Variants in EFCAB6 observed in about 807,000 individuals in gnomAD.
EFCAB6 encodes the protein EF-hand calcium binding domain 6, also known as EF-hand calcium-binding domain-containing protein 6.
EFCAB6 carries 156 observed loss-of-function variants against 169.8 expected under a neutral mutation model. The observed-to-expected ratio is 0.92, with a 90% CI of 0.81 to 1.05. EFCAB6 has a LOEUF of 1.05. Among genes scored for constraint, EFCAB6 ranks in the 50% least tolerant of loss-of-function variants. The pLI is 0.00. For missense variants in EFCAB6, 1,800 were observed against 1,829.1 expected, an observed-to-expected ratio of 0.98 and a Z score of 0.29; for synonymous variants, 698 against 676.4, an observed-to-expected ratio of 1.03 and a Z score of -0.50.
At chr22:43,731,149 C>A (rs751056660) in intron 8 of EFCAB6, among the ~76,000 whole-genome samples, 3 of 152,092 alleles carry the variant, frequency 2.0e-5, no homozygotes, top group Admixed American at 6.5e-5. Flanking sequence ...CCCAGCAGGC[C>A]GACAACCCTG....
chr22:43,745,165 T>C (rs545641200), intron 6 of EFCAB6, among the ~76,000 whole-genome samples: 1 of 152,372 alleles, frequency 6.6e-6, no homozygotes, highest in African/African-American at 2.4e-5. Context: ...CAGAGTTCTT[T>C]GTTTAAAATT....
intron 6 of EFCAB6, among the ~76,000 whole-genome samples, chr22:43,754,080 ATT>A (rs1005169172): frequency 6.6e-6 from 1 of 152,024 alleles, no homozygotes; most frequent in African/African-American, 2.4e-5. Flanking sequence ...GGGTGTACTG[ATT>A]TGTTCTCTTT....
chr22:43,672,181 T>A (rs1385239350), intron 14 of EFCAB6, 48 bp from the exon 15 acceptor site: 2 of 1,613,520 alleles, frequency 1.2e-6, no homozygotes, highest in Non-Finnish European at 1.7e-6. Context: ...ATCTGTAACC[T>A]CTTGTAACAG....
chr22:43,690,676 T>G (rs1264635954), intron 10 of EFCAB6, among the ~76,000 whole-genome samples: 3 of 151,922 alleles, frequency 2.0e-5, no homozygotes, highest in Non-Finnish European at 4.4e-5. Flanking sequence ...CCCCATGGCA[T>G]GCTCCCCGGG....
intron 6 of EFCAB6, among the ~76,000 whole-genome samples, chr22:43,751,194 T>G (rs1409149138): frequency 6.6e-6 from 1 of 152,240 alleles, no homozygotes; most frequent in Non-Finnish European, 1.5e-5. Context: ...GTGAAGAACG[T>G]ATTTTTTTTG....
chr22:43,554,897 C>A lies in EFCAB6; in HGVS notation c.3620G>T (p.Arg1207Leu), dbSNP rs150362294. The change falls in exon 27 of 32, where the codon CGC becomes CTC. Residue 1207 changes from arginine to leucine, a missense_variant. Transcript: ENST00000262726. ...TTCGTCCGTCAGGATTTGGACGCGGCGATTACAAATGGCCCTAAACTCCTC... is the reference window on the plus strand; with the variant it reads ...TTCGTCCGTCAGGATTTGGACGCGGAGATTACAAATGGCCCTAAACTCCTC... Reference protein sequence around the residue: ...SREEFRAICNRRVQILTDEQF... With the variant: ...SREEFRAICNLRVQILTDEQF... 34 of 1,614,014 alleles carry A rather than the reference C, an allele frequency of 2.1e-5. No homozygotes were observed. The highest frequency in any genetic ancestry group is 2.7e-5 in the Non-Finnish European group (32 of 1,180,038).
chr22:43,795,444 G>A lies in EFCAB6; in HGVS notation c.-7-13119C>T, dbSNP rs1029030604. Among the ~76,000 whole-genome samples, 1 of 152,104 alleles carries A rather than the reference G, an allele frequency of 6.6e-6. No homozygotes were observed. The stretch of plus-strand genomic sequence containing the variant: ...GCCTACCAGTGCCCACTAGGCAGGA[G>A]AGGAGCTGCCTCCTGCCCACATCTC... On this transcript the variant is annotated intron_variant, in intron 2 of 31. Transcript: ENST00000262726. This position sits in a 1 kb window ranked among gnomAD's most constrained non-coding sequence, Gnocchi z 4.2.
intron 18 of EFCAB6, among the ~76,000 whole-genome samples, chr22:43,634,370 G>A (rs925829913): frequency 2.0e-5 from 3 of 152,094 alleles, no homozygotes; most frequent in African/African-American, 7.2e-5. Context: ...AGGCTAGGGG[G>A]ACCTTGGCAA....
chr22:43,633,714 T>C (rs1031324698), intron 18 of EFCAB6, among the ~76,000 whole-genome samples: 1 of 152,098 alleles, frequency 6.6e-6, no homozygotes, highest in Non-Finnish European at 1.5e-5. Context: ...TCCTGCGCCC[T>C]CCCCACGGTG....
chr22:43,644,854 A>C (rs1416787919), intron 17 of EFCAB6, among the ~76,000 whole-genome samples: 1 of 152,240 alleles, frequency 6.6e-6, no homozygotes, highest in African/African-American at 2.4e-5. Flanking sequence ...AATCTGAACC[A>C]GTTCTGCAAG....
At chr22:43,678,849 C>G (rs577495818) in intron 12 of EFCAB6, among the ~76,000 whole-genome samples, 3 of 152,056 alleles carry the variant, frequency 2.0e-5, no homozygotes, top group Non-Finnish European at 4.4e-5. Context: ...TGAATATTAA[C>G]GTGACAAAAG....
At chr22:43,741,253 T>A (rs987312725) in intron 6 of EFCAB6, among the ~76,000 whole-genome samples, 1 of 152,084 alleles carries the variant, frequency 6.6e-6, no homozygotes, top group African/African-American at 2.4e-5. Flanking sequence ...CTGACCGACT[T>A]TGAATTCACA....
At position 43,716,368 on chromosome 22, in the gene EFCAB6, G is replaced by A. The variant is rs138901720; in HGVS notation, c.882+480C>T. Among the ~76,000 whole-genome samples, 301 of 152,198 alleles carry A rather than the reference G, an allele frequency of 2.0e-3. 1 individual carries two copies. The highest frequency in any genetic ancestry group is 3.8e-3 in the Non-Finnish European group (260 of 67,986). ...ACTACCCCTTTAAATCCATTTGAATGTCCATTGCTGCACCAATGCCATATT... is the reference window on the plus strand; with the variant it reads ...ACTACCCCTTTAAATCCATTTGAATATCCATTGCTGCACCAATGCCATATT... On this transcript the variant is annotated intron_variant, in intron 9 of 31. Coordinates refer to ENST00000262726, the MANE Select transcript of EFCAB6 (RefSeq NM_022785.4).
Position 43,548,510 on chromosome 22 carries a change from G to A in EFCAB6, c.3648+6359C>T, listed in dbSNP as rs185324444. 6.7e-3 allele frequency among the ~76,000 whole-genome samples: 767 copies of A among 115,126 alleles called. 4 individuals are homozygous for A. The Middle Eastern group carries it at 0.082, about 12-fold the overall frequency. 75.5% of individuals were successfully genotyped at this position (115,126 alleles called of 152,430 possible). A position where few individuals can be genotyped will look rare whatever the true frequency, so the allele number is the denominator to read the frequency against. Reference sequence around the variant, plus strand: ...AGCCGAGATCAAGCCACTGCACCCCGGTCTGGGTGACAGAGCGAGAATCCA... The same window carrying A: ...AGCCGAGATCAAGCCACTGCACCCCAGTCTGGGTGACAGAGCGAGAATCCA... On this transcript the variant is annotated intron_variant, in intron 27 of 31. Coordinates refer to ENST00000262726, the MANE Select transcript of EFCAB6 (RefSeq NM_022785.4).
At chr22:43,737,106 G>C in intron 6 of EFCAB6, among the ~76,000 whole-genome samples, 1 of 152,042 alleles carries the variant, frequency 6.6e-6, no homozygotes. Flanking sequence ...CCCTAACCTG[G>C]GGTAAACCCA....
Position 43,735,979 on chromosome 22 carries a change from A to C in EFCAB6, c.522T>G (p.Ile174Met), listed in dbSNP as rs187869886. 4.3e-5 allele frequency: 70 copies of C among 1,611,580 alleles called. No homozygotes were observed. Among genetic ancestry groups the C allele is most frequent in the Non-Finnish European group, 5.6e-5 (66 of 1,179,428 alleles). ...GCTCAAAGGCTTTCATAACAGTCTTAATGTTTTTGAAAACCTATGTACAAA... is the reference window on the plus strand; with the variant it reads ...GCTCAAAGGCTTTCATAACAGTCTTCATGTTTTTGAAAACCTATGTACAAA... ...IQVGEKVFKNIKTVMKAFELI... is the reference protein window; with the variant it reads ...IQVGEKVFKNMKTVMKAFELI... The change falls in exon 7 of 32, where the codon ATT becomes ATG. Residue 174 changes from isoleucine to methionine, a missense_variant. Transcript: ENST00000262726.
At chr22:43,655,926 A>G (rs564557616) in intron 17 of EFCAB6, among the ~76,000 whole-genome samples, 1 of 152,356 alleles carries the variant, frequency 6.6e-6, no homozygotes, top group South Asian at 2.1e-4. Context: ...AAAGGAAACA[A>G]TTCATGGGAA....
intron 22 of EFCAB6, among the ~76,000 whole-genome samples, chr22:43,605,050 G>A (rs940784215): frequency 2.0e-5 from 3 of 152,156 alleles, no homozygotes; most frequent in Non-Finnish European, 4.4e-5. Context: ...GCAGGTGCTC[G>A]GAATGCCAAG....
At chr22:43,762,222 C>T (rs1323402935) in intron 5 of EFCAB6, among the ~76,000 whole-genome samples, 1 of 152,166 alleles carries the variant, frequency 6.6e-6, no homozygotes, top group Non-Finnish European at 1.5e-5. Flanking sequence ...CCTCAGTGTA[C>T]CCTTTTGTGA....
Sources: allele counts gnomAD v4.1 joint callset (sites outside exome capture counted in the v4.1 genomes callset), GRCh38; gene constraint gnomAD v4.1.1; non-coding constraint Gnocchi (gnomAD v3.1); transcripts MANE v1.5; gene names NCBI Gene and HGNC (gene_info 2026-07-23, HGNC 2026-07-21).